Variants in PDSS2 observed in about 807,000 individuals in gnomAD.
PDSS2 encodes the protein decaprenyl diphosphate synthase subunit 2.
In PDSS2, 31 loss-of-function variants were observed where a neutral mutation model predicts 44.5. The observed-to-expected ratio is 0.70, with a 90% CI of 0.52 to 0.94. The LOEUF is 0.94. PDSS2 is among the 40% of genes least tolerant of loss of function. PDSS2 has a pLI of 0.00. For synonymous variants in PDSS2, 157 were observed against 180.3 expected (o/e 0.87, Z 1.03); for missense variants, 452 against 482.2 (o/e 0.94, Z 0.59).
At chr6:107,311,406 T>C (rs768350528) in intron 2 of PDSS2, among the ~76,000 whole-genome samples, 4 of 152,110 alleles carry the variant, frequency 2.6e-5, no homozygotes, top group Non-Finnish European at 5.9e-5. Flanking sequence ...GGGGGTTTCA[T>C]TATGTTGCCC....
intron 4 of PDSS2, among the ~76,000 whole-genome samples, chr6:107,235,192 G>C (rs1355162124): frequency 6.6e-6 from 1 of 152,208 alleles, no homozygotes; most frequent in East Asian, 1.9e-4. Context: ...TTAGGGGCTA[G>C]GGTTCATAGG....
intron 6 of PDSS2, chr6:107,198,023 T>C (rs1772628105): frequency 2.3e-6 from 1 of 426,226 alleles, no homozygotes; most frequent in African/African-American, 2.1e-5. Flanking sequence ...AGAGTGAATA[T>C]AATATTCTTT....
At chr6:107,359,098 C>T (rs894911974) in intron 1 of PDSS2, among the ~76,000 whole-genome samples, 2 of 146,744 alleles carry the variant, frequency 1.4e-5, no homozygotes, top group African/African-American at 2.5e-5. Context: ...GCAACCTCAG[C>T]CTCCCAGGTT....
At chr6:107,215,872 C>T (rs1280050540) in intron 4 of PDSS2, among the ~76,000 whole-genome samples, 1 of 152,154 alleles carries the variant, frequency 6.6e-6, no homozygotes, top group Non-Finnish European at 1.5e-5. Flanking sequence ...AACGGTGGCT[C>T]ATGCCTGTAA....
At chr6:107,154,805 G>A in intron 7 of PDSS2, 28 bp from the exon 8 acceptor site, 1 of 1,611,808 alleles carries the variant, frequency 6.2e-7, no homozygotes, top group Non-Finnish European at 8.5e-7. Context: ...CATGATAAAA[G>A]TCAGTTTTAA....
chr6:107,159,933 TG>T (rs1159213595), intron 7 of PDSS2, among the ~76,000 whole-genome samples: 6 of 151,966 alleles, frequency 3.9e-5, no homozygotes, highest in African/African-American at 1.4e-4. Flanking sequence ...AATTAAGGGA[TG>T]GCTGGGTGCG....
intron 1 of PDSS2, among the ~76,000 whole-genome samples, chr6:107,435,389 T>C: frequency 6.6e-6 from 1 of 151,906 alleles, no homozygotes; most frequent in South Asian, 2.1e-4. Flanking sequence ...TACTCCATTG[T>C]CATATAGTCA....
intron 7 of PDSS2, among the ~76,000 whole-genome samples, chr6:107,156,921 A>C (rs1392499859): frequency 6.6e-6 from 1 of 152,100 alleles, no homozygotes; most frequent in Non-Finnish European, 1.5e-5. Context: ...TCCCATTGCC[A>C]CTACATTAGT....
intron 1 of PDSS2, among the ~76,000 whole-genome samples, chr6:107,379,393 G>A (rs747100974): frequency 5.3e-5 from 8 of 152,100 alleles, no homozygotes; most frequent in Non-Finnish European, 5.9e-5. Context: ...TCAGAACTTC[G>A]AGTTTAATAT....
At chr6:107,444,618 A>C (rs1190120737) in intron 1 of PDSS2, among the ~76,000 whole-genome samples, 1 of 152,204 alleles carries the variant, frequency 6.6e-6, no homozygotes, top group Non-Finnish European at 1.5e-5. Context: ...AGTTCTTCAT[A>C]AGTAATGTAG....
chr6:107,438,684 T>A lies in PDSS2; in HGVS notation c.296+20306A>T, dbSNP rs1285578242. ...GAAGGTTTTATTTCCCCCCATTGGA[T>A]CTCTGGCCATTTACCCAGGTAATCA... On this transcript the variant is annotated intron_variant, in intron 1 of 7. Coordinates refer to ENST00000369037, the MANE Select transcript of PDSS2 (RefSeq NM_020381.4). Among the ~76,000 whole-genome samples the A allele has an allele frequency of 3.9e-5, 6 of 152,154 alleles. No homozygotes were observed. The East Asian group carries it at 1.2e-3, about 29-fold the overall frequency.
chr6:107,364,267 G>C (rs1306934174), intron 1 of PDSS2, among the ~76,000 whole-genome samples: 2 of 152,244 alleles, frequency 1.3e-5, no homozygotes, highest in Non-Finnish European at 2.9e-5. Flanking sequence ...TTGGGTGGTC[G>C]ATGGGACTGG....
chr6:107,262,387 A>C (rs1446862067), intron 3 of PDSS2, among the ~76,000 whole-genome samples: 1 of 151,984 alleles, frequency 6.6e-6, no homozygotes, highest in Non-Finnish European at 1.5e-5. Context: ...CACCTTCTTG[A>C]CTTCTACTTT....
intron 3 of PDSS2, among the ~76,000 whole-genome samples, chr6:107,269,348 G>A (rs1582872819): frequency 1.3e-5 from 2 of 150,434 alleles, no homozygotes; most frequent in Non-Finnish European, 3.0e-5. Context: ...GTCTGTGTGT[G>A]TGTGTGTGTG....
chr6:107,258,379 A>G (rs1200622741), intron 3 of PDSS2, among the ~76,000 whole-genome samples: 1 of 140,278 alleles, frequency 7.1e-6, no homozygotes, highest in African/African-American at 2.4e-5. Context: ...TTCCTACAAC[A>G]TCTACAACAT....
intron 1 of PDSS2, among the ~76,000 whole-genome samples, chr6:107,438,196 G>A (rs1249945935): frequency 6.6e-6 from 1 of 151,956 alleles, no homozygotes; most frequent in Non-Finnish European, 1.5e-5. Flanking sequence ...AACCCACTTA[G>A]ATCTGTTTTT....
intron 1 of PDSS2, among the ~76,000 whole-genome samples, chr6:107,371,423 C>G (rs1583003193): frequency 6.6e-6 from 1 of 152,274 alleles, no homozygotes; most frequent in East Asian, 1.9e-4. Context: ...TAAGACTAAA[C>G]TGAATACAGC....
chr6:107,281,895 A>T (rs1562432191), intron 2 of PDSS2, among the ~76,000 whole-genome samples: 2 of 151,982 alleles, frequency 1.3e-5, no homozygotes, highest in South Asian at 2.1e-4. Flanking sequence ...TTTACTTAGC[A>T]ATTTATTTAT....
chr6:107,268,281 A>G (rs60266454), intron 3 of PDSS2, among the ~76,000 whole-genome samples: 73 of 152,342 alleles, frequency 4.8e-4, no homozygotes, highest in African/African-American at 1.6e-3. Flanking sequence ...TATATAATTT[A>G]TCATGCAAAC....
Sources: gnomAD v4.1 joint callset for allele counts (sites outside exome capture counted in the v4.1 genomes callset) on GRCh38, gnomAD v4.1.1 for gene constraint, MANE v1.5 for transcripts, NCBI Gene and HGNC (gene_info 2026-07-23, HGNC 2026-07-21) for gene names.